The following CTIF variants were observed in gnomAD, a reference collection of about 807,000 sequenced individuals.
CTIF encodes cap binding complex dependent translation initiation factor, also known as CBP80/20-dependent translation initiation factor.
In CTIF, 21 loss-of-function variants were observed where a neutral mutation model predicts 66.0. The observed-to-expected ratio is 0.32, with a 90% CI of 0.23 to 0.46. The LOEUF is 0.46. Among genes scored for constraint, CTIF ranks in the 20% least tolerant of loss-of-function variants. The pLI is 1.00. For missense variants in CTIF, 739 were observed against 812.7 expected, an observed-to-expected ratio of 0.91 and a Z score of 1.10; for synonymous variants, 345 against 326.4, an observed-to-expected ratio of 1.06 and a Z score of -0.62.
chr18:48,633,701 CAA>C (rs2090762273), intron 2 of CTIF, among the ~76,000 whole-genome samples: 2 of 145,926 alleles, frequency 1.4e-5, no homozygotes, highest in Non-Finnish European at 3.0e-5. Flanking sequence ...GCCTCCATCT[CAA>C]TAAATAAATA....
intron 9 of CTIF, among the ~76,000 whole-genome samples, chr18:48,802,020 CA>C (rs1254829635): frequency 6.6e-6 from 1 of 152,230 alleles, no homozygotes; most frequent in African/African-American, 2.4e-5. Flanking sequence ...AGGGTTATTA[CA>C]CCTGTTTGCG....
At chr18:48,685,379 C>A (rs570635204) in intron 6 of CTIF, among the ~76,000 whole-genome samples, 6 of 152,040 alleles carry the variant, frequency 3.9e-5, no homozygotes, top group Non-Finnish European at 7.4e-5. Context: ...CATGCCACCA[C>A]GCCCGGCTAA....
At chr18:48,593,847 C>G (rs2089939876) in intron 1 of CTIF, among the ~76,000 whole-genome samples, 2 of 151,782 alleles carry the variant, frequency 1.3e-5, no homozygotes, top group African/African-American at 4.8e-5. Context: ...TGAGGATATA[C>G]CTTTGCCTCA....
chr18:48,725,480 C>T (rs1234006363), intron 7 of CTIF, among the ~76,000 whole-genome samples: 1 of 152,126 alleles, frequency 6.6e-6, no homozygotes, highest in Admixed American at 6.5e-5. Context: ...TTTGACTGTG[C>T]TTCCTTACTC....
chr18:48,677,252 G>A (rs766286281), intron 6 of CTIF, among the ~76,000 whole-genome samples: 32 of 152,138 alleles, frequency 2.1e-4, no homozygotes, highest in South Asian at 4.1e-4. Flanking sequence ...GTGCACCGGC[G>A]ACTGTTGCTC....
At chr18:48,771,943 C>T (rs1034557486) in intron 9 of CTIF, among the ~76,000 whole-genome samples, 3 of 152,256 alleles carry the variant, frequency 2.0e-5, no homozygotes, top group Non-Finnish European at 2.9e-5. Flanking sequence ...AAGCTGGCAC[C>T]GCCTGGGCTG....
chr18:48,695,881 G>T (rs1017394059), intron 6 of CTIF, among the ~76,000 whole-genome samples: 1 of 152,212 alleles, frequency 6.6e-6, no homozygotes, highest in African/African-American at 2.4e-5. Context: ...AGTTCGCAGG[G>T]AACTTCCTGC....
intron 3 of CTIF, among the ~76,000 whole-genome samples, chr18:48,656,702 C>T (rs1338264152): frequency 6.6e-6 from 1 of 152,154 alleles, no homozygotes; most frequent in Non-Finnish European, 1.5e-5. Flanking sequence ...ATAAAAGGGG[C>T]TGTCACGAAG....
intron 1 of CTIF, among the ~76,000 whole-genome samples, chr18:48,541,068 A>C (rs2088603947): frequency 6.6e-6 from 1 of 152,066 alleles, no homozygotes; most frequent in Non-Finnish European, 1.5e-5. Context: ...CCCCCAGTCC[A>C]CGCTGGGGTG....
intron 2 of CTIF, 90 bp downstream of exon 2, chr18:48,619,835 A>T: frequency 1.6e-6 from 2 of 1,273,214 alleles, no homozygotes; most frequent in Non-Finnish European, 2.1e-6. Context: ...CAGTTGCCTG[A>T]CACTAGACCG....
chr18:48,690,494 A>C (rs1445635247), intron 6 of CTIF, among the ~76,000 whole-genome samples: 1 of 152,052 alleles, frequency 6.6e-6, no homozygotes, highest in African/African-American at 2.4e-5. Context: ...CCAACCCTGC[A>C]TCCCACATTT....
intron 9 of CTIF, among the ~76,000 whole-genome samples, chr18:48,802,149 CAG>C (rs1478237886): frequency 2.6e-5 from 4 of 152,220 alleles, no homozygotes; most frequent in African/African-American, 9.6e-5. Context: ...GATGGGGACA[CAG>C]AGTCACAGCA....
intron 7 of CTIF, 142 bp from the exon 8 acceptor site, chr18:48,757,777 C>T (rs886461851): frequency 4.3e-5 from 49 of 1,147,614 alleles, no homozygotes; most frequent in African/African-American, 2.0e-4. Context: ...GACTCTGGCA[C>T]GTAGAAGGTG....
intron 3 of CTIF, among the ~76,000 whole-genome samples, chr18:48,651,553 T>A (rs1040462154): frequency 2.6e-5 from 4 of 152,108 alleles, no homozygotes; most frequent in African/African-American, 9.7e-5. Context: ...ATTAGACAGA[T>A]CAACGAGACA....
chr18:48,563,463 T>C (rs545449437), intron 1 of CTIF, among the ~76,000 whole-genome samples: 1 of 152,262 alleles, frequency 6.6e-6, no homozygotes, highest in South Asian at 2.1e-4. Context: ...TTCTAAGGTT[T>C]TTTTTGTTTT....
chr18:48,540,800 T>G lies in CTIF; in HGVS notation c.-29+1488T>G, dbSNP rs914656059. Reference sequence around the variant, plus strand: ...GTGGGCCCCGATCCTCCGCGCGACCTGTCCCGCCAGCCCCCTCCTTGTCTA... The same window carrying G: ...GTGGGCCCCGATCCTCCGCGCGACCGGTCCCGCCAGCCCCCTCCTTGTCTA... On this transcript the variant is annotated intron_variant, in intron 1 of 11. Coordinates refer to ENST00000256413, the MANE Select transcript of CTIF (RefSeq NM_014772.3). Among the ~76,000 whole-genome samples, 7 of 152,032 alleles carry G rather than the reference T, an allele frequency of 4.6e-5. No homozygotes were observed. The East Asian group carries it at 1.4e-3, about 30-fold the overall frequency.
intron 1 of CTIF, among the ~76,000 whole-genome samples, chr18:48,612,147 A>G (rs560987715): frequency 6.6e-6 from 1 of 152,322 alleles, no homozygotes; most frequent in South Asian, 2.1e-4. Flanking sequence ...AAACACCAAC[A>G]TGGTTGAATT....
intron 6 of CTIF, among the ~76,000 whole-genome samples, chr18:48,680,088 A>C (rs1770751403): frequency 6.6e-6 from 1 of 152,214 alleles, no homozygotes; most frequent in African/African-American, 2.4e-5. Flanking sequence ...AAGCCGTGGG[A>C]CAGGGCCTGA....
At chr18:48,631,943 T>G (rs2090725733) in intron 2 of CTIF, among the ~76,000 whole-genome samples, 1 of 152,184 alleles carries the variant, frequency 6.6e-6, no homozygotes, top group African/African-American at 2.4e-5. Context: ...TGGACCCTTC[T>G]TCATTCTTGA....
Sources: allele counts gnomAD v4.1 joint callset (sites outside exome capture counted in the v4.1 genomes callset), GRCh38; gene constraint gnomAD v4.1.1; transcripts MANE v1.5; gene names NCBI Gene and HGNC (gene_info 2026-07-23, HGNC 2026-07-21).